The following MCU variants were observed in gnomAD, a reference collection of about 807,000 sequenced individuals.
MCU encodes the protein calcium uniporter protein, mitochondrial.
Under a neutral mutation model 45.2 loss-of-function variants are expected in MCU, and 12 were observed. The observed-to-expected ratio is 0.27, with a 90% CI of 0.17 to 0.43. The LOEUF is 0.43. MCU is among the 20% of genes least tolerant of loss of function. The pLI, the probability that MCU is intolerant of heterozygous loss-of-function variation, is 1.00. For missense variants in MCU, 324 were observed against 436.7 expected (o/e 0.74, Z 2.30); for synonymous variants, 160 against 165.1 (o/e 0.97, Z 0.24).
chr10:72,765,432 G>T (rs1364873744), intron 1 of MCU, among the ~76,000 whole-genome samples: 1 of 151,894 alleles, frequency 6.6e-6, no homozygotes, highest in African/African-American at 2.4e-5. Flanking sequence ...ATATTTCAAA[G>T]ATTATTATTT....
chr10:72,806,732 A>T (rs561757289), intron 1 of MCU, among the ~76,000 whole-genome samples: 4 of 152,254 alleles, frequency 2.6e-5, no homozygotes, highest in Non-Finnish European at 5.9e-5. Flanking sequence ...TTGTTGAGCT[A>T]CTTTAGATTG....
intron 1 of MCU, among the ~76,000 whole-genome samples, chr10:72,828,197 T>C (rs1383728242): frequency 6.6e-6 from 1 of 152,190 alleles, no homozygotes; most frequent in Non-Finnish European, 1.5e-5. Context: ...TCATTTTTTA[T>C]AAGCATTCCA....
At chr10:72,800,408 T>G (rs889001402) in intron 1 of MCU, among the ~76,000 whole-genome samples, 3 of 152,238 alleles carry the variant, frequency 2.0e-5, no homozygotes, top group Non-Finnish European at 4.4e-5. Context: ...TATCTCAATA[T>G]GTGTGAGAGA....
chr10:72,705,507 C>A (rs1842808279), intron 1 of MCU, among the ~76,000 whole-genome samples: 1 of 151,812 alleles, frequency 6.6e-6, no homozygotes, highest in African/African-American at 2.4e-5. Flanking sequence ...CATGGTAAAA[C>A]CCTGTCTCTA....
At chr10:72,870,532 T>G (rs1284281450) in intron 5 of MCU, among the ~76,000 whole-genome samples, 1 of 152,238 alleles carries the variant, frequency 6.6e-6, no homozygotes, top group Admixed American at 6.5e-5. Context: ...TCCACCTGCC[T>G]TGGCCTCCCA....
At chr10:72,782,751 G>A (rs1425086049) in intron 1 of MCU, among the ~76,000 whole-genome samples, 1 of 152,182 alleles carries the variant, frequency 6.6e-6, no homozygotes. Flanking sequence ...ACTTTACAGG[G>A]ATGTGTGTCT....
intron 1 of MCU, among the ~76,000 whole-genome samples, chr10:72,801,865 G>A (rs1246617241): frequency 2.6e-5 from 4 of 151,558 alleles, no homozygotes; most frequent in Admixed American, 6.6e-5. Context: ...TAGAGACGGG[G>A]TTTTGCCATG....
chr10:72,843,772 C>G (rs1245670785), intron 2 of MCU, among the ~76,000 whole-genome samples: 1 of 152,142 alleles, frequency 6.6e-6, no homozygotes, highest in Non-Finnish European at 1.5e-5. Flanking sequence ...AATGAGAGTT[C>G]CTGTTGCTTC....
chr10:72,805,222 T>C (rs1844428608), intron 1 of MCU, among the ~76,000 whole-genome samples: 1 of 144,614 alleles, frequency 6.9e-6, no homozygotes, highest in Non-Finnish European at 1.5e-5. Context: ...TTCCTTTCCT[T>C]TCCTTTTTCC....
At chr10:72,849,431 G>A (rs184870710) in intron 2 of MCU, among the ~76,000 whole-genome samples, 156 of 152,248 alleles carry the variant, frequency 1.0e-3, no homozygotes, top group Non-Finnish European at 1.9e-3. Flanking sequence ...TGAGATTATG[G>A]GTGGTTAGGG....
At chr10:72,879,958 G>A (rs959159886) in intron 6 of MCU, among the ~76,000 whole-genome samples, 3 of 152,148 alleles carry the variant, frequency 2.0e-5, no homozygotes, top group Admixed American at 6.5e-5. Flanking sequence ...TGAGGCATGA[G>A]AATCGCTTGA....
intron 1 of MCU, among the ~76,000 whole-genome samples, chr10:72,801,356 T>TC (rs1032888890): frequency 4.7e-5 from 7 of 147,778 alleles, no homozygotes; most frequent in African/African-American, 1.7e-4. Flanking sequence ...ATGCTTTCTT[T>TC]TTTTTTTTTT....
chr10:72,839,760 T>C (rs1251644684), intron 2 of MCU, among the ~76,000 whole-genome samples: 1 of 149,052 alleles, frequency 6.7e-6, no homozygotes, highest in African/African-American at 2.5e-5. Context: ...GAGACTGTCC[T>C]GGCTAACACG....
chr10:72,859,133 A>G (rs1845337322), intron 2 of MCU, 44 bp from the exon 3 acceptor site: 3 of 1,506,222 alleles, frequency 2.0e-6, no homozygotes, highest in Admixed American at 2.2e-5. Context: ...TTTAACTTAC[A>G]TTGAAATCCA....
intron 1 of MCU, among the ~76,000 whole-genome samples, chr10:72,731,853 T>C (rs1320062804): frequency 1.3e-5 from 2 of 152,368 alleles, no homozygotes; most frequent in African/African-American, 2.4e-5. Context: ...CATCAGTTTA[T>C]AGACATTTGA....
intron 1 of MCU, among the ~76,000 whole-genome samples, chr10:72,735,020 G>T (rs1004827395): frequency 1.3e-5 from 2 of 151,732 alleles, no homozygotes; most frequent in African/African-American, 4.8e-5. Flanking sequence ...AGGCTTCAGT[G>T]GGCTGTGATC....
rs201897381 is a variant in MCU, at chr10:72,781,058, T to TA, written c.151-53293dup. 3.1e-3 allele frequency among the ~76,000 whole-genome samples: 468 copies of TA among 152,134 alleles called. 4 individuals carry two copies. Among genetic ancestry groups the TA allele is most frequent in the African/African-American group, 0.01 (426 of 41,520 alleles). ...TTTAAGAATTGGAACACTCAAAAAA[T>TA]AAAAAAAATTTTTTTTAAAGAATTG... On this transcript the variant is annotated intron_variant, in intron 1 of 7. Coordinates refer to ENST00000373053, the MANE Select transcript of MCU (RefSeq NM_138357.3).
chr10:72,783,080 C>T (rs1056532996), intron 1 of MCU, among the ~76,000 whole-genome samples: 1 of 152,184 alleles, frequency 6.6e-6, no homozygotes, highest in Non-Finnish European at 1.5e-5. Flanking sequence ...TTGTGGAATG[C>T]ACTTTAAGCA....
At chr10:72,737,919 C>T (rs911187231) in intron 1 of MCU, among the ~76,000 whole-genome samples, 2 of 152,070 alleles carry the variant, frequency 1.3e-5, no homozygotes, top group Non-Finnish European at 2.9e-5. Flanking sequence ...CTAGGAACTC[C>T]GTATTCTTTC....
Sources: gnomAD v4.1 joint callset for allele counts (sites outside exome capture counted in the v4.1 genomes callset) on GRCh38, gnomAD v4.1.1 for gene constraint, MANE v1.5 for transcripts, NCBI Gene and HGNC (gene_info 2026-07-23, HGNC 2026-07-21) for gene names.